The following SEMA5A variants were observed in gnomAD, a reference collection of about 807,000 sequenced individuals.
SEMA5A encodes the protein semaphorin 5A.
A neutral mutation model predicts 135.5 loss-of-function variants in SEMA5A; 55 were observed. That is an observed-to-expected ratio of 0.41 (90% confidence interval 0.33 to 0.51). SEMA5A has a LOEUF of 0.51. Among genes scored for constraint, SEMA5A ranks in the 20% least tolerant of loss-of-function variants. SEMA5A has a pLI of 0.37. For synonymous variants in SEMA5A, 580 were observed against 546.5 expected (o/e 1.06, Z -0.85); for missense variants, 1,290 against 1,419.9 (o/e 0.91, Z 1.47).
chr5:9,365,413 C>A (rs1754872736), intron 3 of SEMA5A, among the ~76,000 whole-genome samples: 1 of 152,148 alleles, frequency 6.6e-6, no homozygotes, highest in Non-Finnish European at 1.5e-5. Context: ...CCCAATGGGG[C>A]TCGGCAGGAG....
chr5:9,061,540 G>C (rs925149678), intron 18 of SEMA5A, among the ~76,000 whole-genome samples: 1 of 152,142 alleles, frequency 6.6e-6, no homozygotes, highest in African/African-American at 2.4e-5. Context: ...TTCTGGACAG[G>C]AGAGCAGGAA....
intron 1 of SEMA5A, among the ~76,000 whole-genome samples, chr5:9,446,155 T>A (rs1174823956): frequency 6.6e-6 from 1 of 152,240 alleles, no homozygotes; most frequent in African/African-American, 2.4e-5. Context: ...CATTTTGTCT[T>A]CATGCAGATT....
intron 16 of SEMA5A, among the ~76,000 whole-genome samples, chr5:9,072,022 G>A (rs920811769): frequency 6.6e-6 from 1 of 152,226 alleles, no homozygotes; most frequent in African/African-American, 2.4e-5. Context: ...TACCCAGTAA[G>A]GAAGGTATAT....
chr5:9,486,998 G>A (rs1037291326), intron 1 of SEMA5A, among the ~76,000 whole-genome samples: 2 of 134,694 alleles, frequency 1.5e-5, no homozygotes, highest in African/African-American at 5.7e-5. Flanking sequence ...TTCATAGTTT[G>A]CCAACCATAG....
At chr5:9,328,353 T>C (rs76530169) in intron 4 of SEMA5A, among the ~76,000 whole-genome samples, 1,657 of 152,354 alleles carry the variant, frequency 0.011, 30 homozygotes, top group African/African-American at 0.038. Context: ...GCACACAATA[T>C]GGTGGACGTA....
intron 3 of SEMA5A, among the ~76,000 whole-genome samples, chr5:9,357,676 A>G (rs1220669517): frequency 6.6e-6 from 1 of 152,200 alleles, no homozygotes; most frequent in Non-Finnish European, 1.5e-5. Flanking sequence ...TGGAGGAACT[A>G]TTATCCAACA....
At chr5:9,375,670 G>T (rs554001039) in intron 3 of SEMA5A, among the ~76,000 whole-genome samples, 1 of 150,396 alleles carries the variant, frequency 6.6e-6, no homozygotes, top group Non-Finnish European at 1.5e-5. Flanking sequence ...GAATTTCTCA[G>T]AAAGTGACGA....
At chr5:9,480,956 GT>G (rs932618056) in intron 1 of SEMA5A, among the ~76,000 whole-genome samples, 52 of 152,000 alleles carry the variant, frequency 3.4e-4, no homozygotes, top group Admixed American at 1.6e-3. Context: ...TGGTTTTTTG[GT>G]TTTTTTGAGA....
intron 2 of SEMA5A, among the ~76,000 whole-genome samples, chr5:9,402,655 T>C (rs139822184): frequency 0.02 from 3,024 of 152,086 alleles, 47 homozygotes; most frequent in Non-Finnish European, 0.03. Flanking sequence ...TGAATGTTAG[T>C]GAGGTGAAAT....
chr5:9,354,581 G>A (rs1056881110), intron 3 of SEMA5A, among the ~76,000 whole-genome samples: 3 of 152,172 alleles, frequency 2.0e-5, no homozygotes, highest in African/African-American at 7.2e-5. Flanking sequence ...CCTTCGGGCA[G>A]CAAACGTGTA....
At chr5:9,226,417 T>A (rs1747313337) in intron 7 of SEMA5A, among the ~76,000 whole-genome samples, 1 of 147,206 alleles carries the variant, frequency 6.8e-6, no homozygotes, top group Non-Finnish European at 1.5e-5. Context: ...TGCAATTTCT[T>A]AGTTTGCTTA....
At chr5:9,208,632 A>G (rs1746179576) in intron 8 of SEMA5A, among the ~76,000 whole-genome samples, 1 of 152,202 alleles carries the variant, frequency 6.6e-6, no homozygotes, top group Admixed American at 6.5e-5. Context: ...CAGAAGGAGC[A>G]GCCTGGGAGA....
intron 4 of SEMA5A, among the ~76,000 whole-genome samples, chr5:9,336,715 G>T (rs996847933): frequency 6.6e-6 from 1 of 152,066 alleles, no homozygotes; most frequent in African/African-American, 2.4e-5. Flanking sequence ...CAAGATCCAA[G>T]AGCAAAAGCA....
intron 5 of SEMA5A, among the ~76,000 whole-genome samples, chr5:9,303,240 C>G (rs1751699941): frequency 6.6e-6 from 1 of 151,936 alleles, no homozygotes; most frequent in Non-Finnish European, 1.5e-5. Flanking sequence ...CCTCAGCCTC[C>G]CCAGTAGCTG....
intron 2 of SEMA5A, among the ~76,000 whole-genome samples, chr5:9,420,112 C>T (rs1050834257): frequency 1.6e-4 from 25 of 152,066 alleles, no homozygotes; most frequent in East Asian, 1.6e-3. Context: ...CATGATGGAG[C>T]GCTCCATCAT....
At position 9,042,510 on chromosome 5, in the gene SEMA5A, GAAA is replaced by G; in HGVS notation, c.*384_*386del. 4.3e-5 allele frequency: 10 copies of G among 230,198 alleles called. No homozygotes were observed. The highest frequency in any genetic ancestry group is 1.9e-4 in the South Asian group (3 of 16,058). The allele number at this position is 230,198 out of a possible 1,614,324, so 14.3% of individuals were successfully genotyped here. ...TTGTGGAAGGAGCAGGTCTTTCAGAGAAAGTGCCTATTTTCTTGAATTACAACA... is the reference window on the plus strand; with the variant it reads ...TTGTGGAAGGAGCAGGTCTTTCAGAGGTGCCTATTTTCTTGAATTACAACA... On this transcript the variant is annotated 3_prime_UTR_variant, in exon 23 of 23. Coordinates refer to ENST00000382496, the MANE Select transcript of SEMA5A (RefSeq NM_003966.3).
intron 2 of SEMA5A, among the ~76,000 whole-genome samples, chr5:9,430,464 G>T (rs1316878014): frequency 6.6e-6 from 1 of 152,188 alleles, no homozygotes; most frequent in Admixed American, 6.5e-5. Context: ...TGGTGAGAAT[G>T]GTGGGAAAAG....
At chr5:9,095,349 A>G (rs923997765) in intron 16 of SEMA5A, among the ~76,000 whole-genome samples, 3 of 152,182 alleles carry the variant, frequency 2.0e-5, no homozygotes, top group African/African-American at 4.8e-5. Context: ...ATACCTATGT[A>G]ACAAACCTGC....
chr5:9,349,471 A>G (rs1011606506), intron 3 of SEMA5A, among the ~76,000 whole-genome samples: 1 of 152,240 alleles, frequency 6.6e-6, no homozygotes, highest in Non-Finnish European at 1.5e-5. Flanking sequence ...AGAGAGTTAA[A>G]CTGAAGAAGA....
Sources: gnomAD v4.1 joint callset for allele counts (sites outside exome capture counted in the v4.1 genomes callset) on GRCh38, gnomAD v4.1.1 for gene constraint, MANE v1.5 for transcripts, NCBI Gene and HGNC (gene_info 2026-07-23, HGNC 2026-07-21) for gene names.